SLC35F3: variants seen among roughly 807,000 people sequenced by gnomAD.
SLC35F3 encodes the protein solute carrier family 35 member F3.
In SLC35F3, 25 loss-of-function variants were observed where a neutral mutation model predicts 49.9. That is an observed-to-expected ratio of 0.50 (90% CI 0.37 to 0.70). The LOEUF (loss-of-function observed/expected upper bound fraction) is 0.70. Ranked by LOEUF, SLC35F3 falls within the 30% of genes least tolerant of loss-of-function variation. The pLI is 0.00. For missense variants in SLC35F3, 525 were observed against 639.8 expected (o/e 0.82, Z 1.94); for synonymous variants, 275 against 265.4 (o/e 1.04, Z -0.35).
chr1:234,087,476 A>T (rs1415498555), intron 2 of SLC35F3, among the ~76,000 whole-genome samples: 1 of 152,174 alleles, frequency 6.6e-6, no homozygotes, highest in Non-Finnish European at 1.5e-5. Flanking sequence ...CTGCCTAACG[A>T]CACCCAATAA....
At position 233,936,269 on chromosome 1, in the gene SLC35F3, T is replaced by A. The variant is rs185815932; in HGVS notation, c.283+30511T>A. Among the ~76,000 whole-genome samples the A allele has an allele frequency of 2.1e-3, 325 of 152,272 alleles. 3 individuals carry two copies. The highest frequency in any genetic ancestry group is 7.1e-3 in the African/African-American group (294 of 41,554). On this transcript the variant is annotated intron_variant, in intron 2 of 7. Coordinates refer to ENST00000366618, the MANE Select transcript of SLC35F3 (RefSeq NM_173508.4). ...AGGAAGAAAGGAGATGTTATTGATATTTTGGTAATTGTTTATAAAAGGAGA... is the reference window on the plus strand; with the variant it reads ...AGGAAGAAAGGAGATGTTATTGATAATTTGGTAATTGTTTATAAAAGGAGA...
At chr1:234,239,426 A>T (rs1667520395) in intron 3 of SLC35F3, among the ~76,000 whole-genome samples, 1 of 152,186 alleles carries the variant, frequency 6.6e-6, no homozygotes, top group Admixed American at 6.5e-5. Context: ...TCGAGTCAAG[A>T]CTAGTAAGCC....
chr1:234,190,206 G>A (rs1054671293), intron 2 of SLC35F3, among the ~76,000 whole-genome samples: 1 of 152,122 alleles, frequency 6.6e-6, no homozygotes, highest in Admixed American at 6.5e-5. Context: ...GAATTGAATA[G>A]TACCTCACAT....
chr1:234,103,302 A>G (rs1346590465), intron 2 of SLC35F3, among the ~76,000 whole-genome samples: 1 of 151,856 alleles, frequency 6.6e-6, no homozygotes, highest in African/African-American at 2.4e-5. Context: ...ATTATTATTC[A>G]TAAGAAAAAT....
chr1:234,116,896 C>T (rs1007615114), intron 2 of SLC35F3, among the ~76,000 whole-genome samples: 1 of 152,166 alleles, frequency 6.6e-6, no homozygotes, highest in Admixed American at 6.5e-5. Flanking sequence ...TCCAGTGCAA[C>T]AAGATGTCCA....
At chr1:234,152,227 G>GTTATTATTATTATTA (rs61307533) in intron 2 of SLC35F3, among the ~76,000 whole-genome samples, 420 of 144,576 alleles carry the variant, frequency 2.9e-3, no homozygotes, top group African/African-American at 0.011. Flanking sequence ...TATTATTATT[G>GTTATTATTATTATTA]TTATTATTAT....
chr1:234,108,716 G>GAT (rs568089441), intron 2 of SLC35F3, among the ~76,000 whole-genome samples: 1 of 61,252 alleles, frequency 1.6e-5, no homozygotes, highest in African/African-American at 6.3e-5. Context: ...ATATATAAAA[G>GAT]ATATATATAA....
intron 2 of SLC35F3, among the ~76,000 whole-genome samples, chr1:234,182,035 G>T (rs982592432): frequency 6.6e-6 from 1 of 152,110 alleles, no homozygotes; most frequent in Non-Finnish European, 1.5e-5. Flanking sequence ...TTTCATATAC[G>T]AATGGCGAAA....
chr1:234,276,880 A>G (rs1390318224), intron 3 of SLC35F3, among the ~76,000 whole-genome samples: 10 of 152,222 alleles, frequency 6.6e-5, no homozygotes, highest in African/African-American at 1.2e-4. Context: ...GGGCCTTGCT[A>G]TAAATAACAT....
intron 2 of SLC35F3, among the ~76,000 whole-genome samples, chr1:233,922,486 CTT>C (rs35271789): frequency 0.022 from 2,517 of 112,312 alleles, 54 homozygotes; most frequent in African/African-American, 0.07. Context: ...TTTTGATGGC[CTT>C]TTTTTTTTTT....
intron 2 of SLC35F3, among the ~76,000 whole-genome samples, chr1:234,011,287 A>G (rs916644227): frequency 6.6e-6 from 1 of 152,228 alleles, no homozygotes; most frequent in East Asian, 1.9e-4. Context: ...AATGCCTCCA[A>G]CCAACATGCA....
intron 3 of SLC35F3, among the ~76,000 whole-genome samples, chr1:234,236,540 A>G (rs539024991): frequency 6.6e-6 from 1 of 152,294 alleles, no homozygotes; most frequent in African/African-American, 2.4e-5. Context: ...CTAAGCAGAC[A>G]GTAGCCTGGA....
intron 2 of SLC35F3, among the ~76,000 whole-genome samples, chr1:234,104,267 A>G (rs1665251932): frequency 6.6e-6 from 1 of 152,236 alleles, no homozygotes; most frequent in African/African-American, 2.4e-5. Flanking sequence ...TAATGTCACT[A>G]AAGTGTCTAT....
chr1:234,196,580 C>T (rs1666815657), intron 2 of SLC35F3, among the ~76,000 whole-genome samples: 1 of 152,226 alleles, frequency 6.6e-6, no homozygotes, highest in African/African-American at 2.4e-5. Flanking sequence ...GCCTGGCTCC[C>T]CACTAACATG....
In SLC35F3 at chr1:234,305,246, A is replaced by G. The variant is rs532675421; in HGVS notation, c.609-3855A>G. On this transcript the variant is annotated intron_variant, in intron 3 of 7. Transcript: ENST00000366618. ...GGCTATCCCAGCTAGGATTCTTTAA[A>G]GAGTACTAAGAACATAAGTATGTAA... 5.9e-5 allele frequency among the ~76,000 whole-genome samples: 9 copies of G among 152,366 alleles called. No individual in the cohort carries two copies. The East Asian group carries it at 1.7e-3, about 29-fold the overall frequency.
intron 2 of SLC35F3, among the ~76,000 whole-genome samples, chr1:234,048,639 G>GGAGCCTTGGAGGTATGGCTCCCTA (rs11269045): frequency 6.6e-6 from 1 of 151,836 alleles, no homozygotes; most frequent in Non-Finnish European, 1.5e-5. Flanking sequence ...CGCATCACCT[G>GGAGCCTTGGAGGTATGGCTCCCTA]GAGCCTTGGG....
intron 2 of SLC35F3, among the ~76,000 whole-genome samples, chr1:233,995,607 T>A (rs1384884503): frequency 6.6e-6 from 1 of 152,204 alleles, no homozygotes; most frequent in Non-Finnish European, 1.5e-5. Context: ...TCTACATATT[T>A]TCTGATGACT....
At chr1:234,255,131 T>C (rs150807169) in intron 3 of SLC35F3, among the ~76,000 whole-genome samples, 50 of 152,258 alleles carry the variant, frequency 3.3e-4, no homozygotes, top group African/African-American at 1.2e-3. Context: ...AAGACTGATA[T>C]CTAAAACGTA....
intron 2 of SLC35F3, among the ~76,000 whole-genome samples, chr1:233,920,673 A>G (rs895765815): frequency 3.3e-5 from 5 of 152,220 alleles, no homozygotes; most frequent in African/African-American, 4.8e-5. Flanking sequence ...TGGGATATCA[A>G]TTGTGGAATT....
Sources: gnomAD v4.1 joint callset for allele counts (sites outside exome capture counted in the v4.1 genomes callset) on GRCh38, gnomAD v4.1.1 for gene constraint, MANE v1.5 for transcripts, NCBI Gene and HGNC (gene_info 2026-07-23, HGNC 2026-07-21) for gene names.